SP1: variants seen among roughly 807,000 people sequenced by gnomAD.
The protein encoded by SP1 is transcription factor Sp1.
A neutral mutation model predicts 66.3 loss-of-function variants in SP1; 6 were observed. That is an observed-to-expected ratio of 0.09 (90% confidence interval 0.05 to 0.18). The LOEUF is 0.18. SP1 is among the 10% of genes least tolerant of loss of function. The pLI is 1.00. For synonymous variants in SP1, 417 were observed against 360.8 expected, an observed-to-expected ratio of 1.16 and a Z score of -1.77; for missense variants, 848 against 964.5, an observed-to-expected ratio of 0.88 and a Z score of 1.60.
Position 53,396,547 on chromosome 12 carries a change from G to A in SP1, c.1676-10038G>A, listed in dbSNP as rs530813721. ...CATGCCACTGCACTCCAGCCTGGGC[G>A]ACAGAGCGAGACTCCATCTCAAAAA... is the stretch of plus-strand genomic sequence containing the variant. On this transcript the variant is annotated intron_variant, in intron 3 of 5. Transcript: ENST00000327443. Among the ~76,000 whole-genome samples, 80 of 152,256 alleles carry A rather than the reference G, an allele frequency of 5.3e-4. 1 individual carries two copies. Among genetic ancestry groups the A allele is most frequent in the South Asian group, 2.1e-4 (1 of 4,826 alleles).
At chr12:53,388,893 T>C (rs1464517332) in intron 3 of SP1, among the ~76,000 whole-genome samples, 1 of 151,626 alleles carries the variant, frequency 6.6e-6, no homozygotes, top group Non-Finnish European at 1.5e-5. Flanking sequence ...GGTGGGAGGA[T>C]TGCCTGAGCC....
In SP1 at chr12:53,383,523, A is replaced by G. The variant is rs528347320; in HGVS notation, c.1576A>G (p.Met526Val). 2.7e-5 allele frequency: 44 copies of G among 1,614,122 alleles called. 1 individual carries two copies. The South Asian group carries it at 4.5e-4, about 17-fold the overall frequency. The change falls in exon 3 of 6, where the codon ATG becomes GTG. Residue 526 changes from methionine (M) to valine (V), a missense_variant. By Grantham distance (21) the Met-to-Val change is conservative. Coordinates refer to ENST00000327443, the MANE Select transcript of SP1 (RefSeq NM_138473.3). ...VTVNAAQLSSMPGLQTINLSA... is the reference protein window; with the variant it reads ...VTVNAAQLSSVPGLQTINLSA... ...TGTGAATGCTGCTCAACTCTCCTCCATGCCAGGCCTCCAGACCATTAACCT... is the reference window on the plus strand; with the variant it reads ...TGTGAATGCTGCTCAACTCTCCTCCGTGCCAGGCCTCCAGACCATTAACCT...
rs769518415 is a variant in SP1, at chr12:53,382,090, T to A, written c.163-20T>A. 1 of 1,610,956 alleles carries A rather than the reference T, an allele frequency of 6.2e-7. No homozygotes were observed. Among genetic ancestry groups the A allele is most frequent in the Non-Finnish European group, 8.5e-7 (1 of 1,178,178 alleles). ...AGCTGGGTGTCACTAACTCCTTTCCTCTCCCTTATTTTCGGCCAGGAGTCC... is the reference window on the plus strand; with the variant it reads ...AGCTGGGTGTCACTAACTCCTTTCCACTCCCTTATTTTCGGCCAGGAGTCC... On this transcript the variant is annotated intron_variant, in intron 2 of 5. Transcript: ENST00000327443.
In SP1 at chr12:53,382,758, A is replaced by C; in HGVS notation, c.811A>C (p.Ser271Arg). 1.2e-6 allele frequency: 2 copies of C among 1,614,196 alleles called. No homozygotes were observed. Among genetic ancestry groups the C allele is most frequent in the Non-Finnish European group, 1.7e-6 (2 of 1,180,036 alleles). ...NGNITLLPVN[S>R]VSAATLTPSS... ...GAACATCACCTTGCTACCTGTCAACAGCGTTTCTGCAGCTACCTTGACTCC... is the reference window on the plus strand; with the variant it reads ...GAACATCACCTTGCTACCTGTCAACCGCGTTTCTGCAGCTACCTTGACTCC... The change falls in exon 3 of 6, where the codon AGC becomes CGC. Residue 271 changes from serine (S) to arginine (R), a missense_variant. By Grantham distance (110) the Ser-to-Arg change is moderately radical. Around this residue, in one of 7 missense-constraint regions of SP1, gnomAD observed 606 missense variants for 589.9 expected, o/e 1.03. Transcript: ENST00000327443.
chr12:53,393,388 G>A (rs868363827), intron 3 of SP1, among the ~76,000 whole-genome samples: 4 of 151,316 alleles, frequency 2.6e-5, no homozygotes, highest in East Asian at 3.9e-4. Context: ...GGGTTCAACC[G>A]ATTCTCCTGC....
chr12:53,410,855 T>TAA, intron 5 of SP1, 72 bp from the exon 6 acceptor site: 1 of 1,079,362 alleles, frequency 9.3e-7, no homozygotes, highest in Non-Finnish European at 1.4e-6. Flanking sequence ...CTTAGTAGAG[T>TAA]AAGCACTGAA....
At chr12:53,394,528 C>G (rs1172335281) in intron 3 of SP1, among the ~76,000 whole-genome samples, 2 of 148,744 alleles carry the variant, frequency 1.3e-5, no homozygotes, top group Non-Finnish European at 3.0e-5. Context: ...TTCAGCCTCC[C>G]AAATGTTGGG....
Position 53,382,317 on chromosome 12 carries a change from A to C in SP1, c.370A>C (p.Ser124Arg), listed in dbSNP as rs747340835. Residue 124 changes from serine to arginine, a missense_variant, in exon 3 of 6, where the codon AGT (serine) becomes CGT (arginine). By Grantham distance (110) the Ser-to-Arg change is moderately radical. This residue lies in a region of SP1 where 606 missense variants were observed against 589.9 expected (regional missense o/e 1.03). Transcript: ENST00000327443. ...SGATPTSKEQ[S>R]GSSTNGSNGS... is the part of the protein sequence containing the mutation. ...GGCTACCCCTACCTCAAAGGAACAGAGTGGCAGCAGTACCAATGGCAGCAA... is the reference window on the plus strand; with the variant it reads ...GGCTACCCCTACCTCAAAGGAACAGCGTGGCAGCAGTACCAATGGCAGCAA... 8 of 1,614,190 alleles carry C rather than the reference A, an allele frequency of 5.0e-6. No individual in the cohort carries two copies. Among genetic ancestry groups the C allele is most frequent in the Middle Eastern group, 1.6e-4 (1 of 6,062 alleles).
chr12:53,404,978 C>T (rs1212045132), intron 3 of SP1, among the ~76,000 whole-genome samples: 2 of 152,034 alleles, frequency 1.3e-5, no homozygotes, highest in Admixed American at 1.3e-4. Context: ...GGATTACAAG[C>T]GTACTCCACC....
chr12:53,384,588 A>G (rs1478374449), intron 3 of SP1, among the ~76,000 whole-genome samples: 5 of 151,964 alleles, frequency 3.3e-5, no homozygotes, highest in African/African-American at 4.8e-5. Context: ...ACCCAGCCAC[A>G]TTTTCTGTTT....
At chr12:53,402,542 A>G (rs1357784061) in intron 3 of SP1, among the ~76,000 whole-genome samples, 1 of 151,298 alleles carries the variant, frequency 6.6e-6, no homozygotes, top group Non-Finnish European at 1.5e-5. Flanking sequence ...CGTAAAAGTG[A>G]CTGAATGAGA....
rs144289016 is a variant in SP1 at position 53,398,183 on chromosome 12, T to C, written c.1676-8402T>C. On this transcript the variant is annotated intron_variant, in intron 3 of 5. Transcript: ENST00000327443. ...AGATATACAAATACATATGAACAAA[T>C]ATCTAAGTATTAGCTATTCTTTGTA... Among the ~76,000 whole-genome samples the C allele has an allele frequency of 6.8e-4, 104 of 152,358 alleles. 1 individual carries two copies. The East Asian group carries it at 0.02, about 29-fold the overall frequency.
At chr12:53,397,906 T>C (rs764924928) in intron 3 of SP1, among the ~76,000 whole-genome samples, 8 of 152,186 alleles carry the variant, frequency 5.3e-5, no homozygotes, top group Non-Finnish European at 1.2e-4. Context: ...GCATTACAAA[T>C]ACTAGTAAAG....
intron 4 of SP1, among the ~76,000 whole-genome samples, chr12:53,408,424 T>G (rs1396742958): frequency 6.7e-6 from 1 of 150,352 alleles, no homozygotes; most frequent in African/African-American, 2.4e-5. Flanking sequence ...TTAGTAGAGA[T>G]GGGGACCATG....
intron 3 of SP1, among the ~76,000 whole-genome samples, chr12:53,392,398 C>T (rs1473923441): frequency 2.3e-5 from 3 of 129,482 alleles, no homozygotes; most frequent in Admixed American, 1.6e-4. Context: ...GCTCTGTCGC[C>T]CAGGCTGGAG....
Position 53,382,195 on chromosome 12 carries a change from G to A in SP1, c.248G>A (p.Gly83Asp), listed in dbSNP as rs745319123. The stretch of plus-strand genomic sequence containing the variant: ...AATGAGAACAGCAACAACTCCCAGG[G>A]CCCGAGTCAGTCAGGGGGAACAGGT... ...SPNENSNNSQ[G>D]PSQSGGTGEL... Residue 83 changes from glycine to aspartate, a missense_variant, in exon 3 of 6, where the codon GGC (glycine) becomes GAC (aspartate). Physicochemically the swap from Gly to Asp is moderately conservative, Grantham distance 94. This residue lies in a region of SP1 where 606 missense variants were observed against 589.9 expected (regional missense o/e 1.03). Transcript: ENST00000327443. 3.8e-5 allele frequency: 61 copies of A among 1,614,046 alleles called. 1 individual carries two copies. The highest frequency in any genetic ancestry group is 4.2e-5 in the Non-Finnish European group (50 of 1,180,040).
intron 1 of SP1, 176 bp from the exon 2 acceptor site, chr12:53,381,483 A>C: frequency 2.0e-6 from 1 of 510,952 alleles, no homozygotes; most frequent in Non-Finnish European, 3.4e-6. Context: ...CATTGAACCT[A>C]GTTCATGTCC....
chr12:53,403,515 G>T (rs576970827), intron 3 of SP1, among the ~76,000 whole-genome samples: 1 of 125,382 alleles, frequency 8.0e-6, no homozygotes, highest in African/African-American at 3.2e-5. Context: ...ACCATGCCCA[G>T]CTAATTTTTT....
At chr12:53,380,541 C>A in intron 1 of SP1, 1 of 652,612 alleles carries the variant, frequency 1.5e-6, no homozygotes. Context: ...CGCCCCCTGC[C>A]CGCCCCGGCC....
Sources: allele counts gnomAD v4.1 joint callset (sites outside exome capture counted in the v4.1 genomes callset), GRCh38; gene constraint gnomAD v4.1.1; regional missense constraint gnomAD v4.1.1; transcripts MANE v1.5; gene names NCBI Gene and HGNC (gene_info 2026-07-23, HGNC 2026-07-21).